Variants in CLK2 observed in about 807,000 individuals in gnomAD.
CLK2 encodes CDC like kinase 2, also known as dual specificity protein kinase CLK2.
In CLK2, 12 loss-of-function variants were observed where a neutral mutation model predicts 73.5. The observed-to-expected ratio is 0.16, with a 90% confidence interval of 0.10 to 0.26. The LOEUF (loss-of-function observed/expected upper bound fraction) is 0.26, where lower values mean the gene tolerates loss of function less well. Among genes scored for constraint, CLK2 ranks in the 10% least tolerant of loss-of-function variants. CLK2 has a pLI of 1.00. For missense variants in CLK2, 509 were observed against 688.4 expected (o/e 0.74, Z 2.92); for synonymous variants, 232 against 237.9 (o/e 0.98, Z 0.23).
At chr1:155,267,866 G>A in intron 6 of CLK2, 144 bp downstream of exon 6, 4 of 674,062 alleles carry the variant, frequency 5.9e-6, no homozygotes, top group Non-Finnish European at 5.3e-6. Context: ...CTACCCTGAT[G>A]TTCTACTACT....
chr1:155,266,981 G>T, intron 6 of CLK2, 86 bp from the exon 7 acceptor site: 1 of 1,446,794 alleles, frequency 6.9e-7, no homozygotes, highest in Non-Finnish European at 9.4e-7. Context: ...CTTCATAGCT[G>T]TTGATTCCAC....
chr1:155,263,069 T>C lies in CLK2; in HGVS notation c.*149A>G. The C allele has an allele frequency of 4.1e-6, 3 of 733,524 alleles. No individual in the cohort carries two copies. The highest frequency in any genetic ancestry group is 4.3e-6 in the Non-Finnish European group (2 of 461,304). The allele number at this position is 733,524 out of a possible 1,614,324, so 45.4% of individuals were successfully genotyped here. On this transcript the variant is annotated 3_prime_UTR_variant, in exon 13 of 13. Coordinates refer to ENST00000368361, the MANE Select transcript of CLK2 (RefSeq NM_001294338.2). ...GAAGTGATAGGTACAAGTTCTTTCA[T>C]ATTTACACTATTTCACATATTCACA...
chr1:155,267,978 C>G, intron 6 of CLK2, 32 bp downstream of exon 6: 1 of 1,530,458 alleles, frequency 6.5e-7, no homozygotes, highest in Non-Finnish European at 9.1e-7. Flanking sequence ...TTGGGGCTCT[C>G]AGCCTCCCTA....
rs1673600816 is a variant in CLK2 at position 155,273,317 on chromosome 1, CGGGACCCT to C, written c.-125_-118del. ...GAAATGCTGCTCCACCCCCCCAACC[CGGGACCCT>C]GGGACCTCCCGCCCCGTTCCCGGGC... On this transcript the variant is annotated 5_prime_UTR_variant, in exon 1 of 13. Coordinates refer to ENST00000368361, the MANE Select transcript of CLK2 (RefSeq NM_001294338.2). The C allele has an allele frequency of 6.6e-6, 1 of 152,302 alleles. No individual in the cohort carries two copies. Among genetic ancestry groups the C allele is most frequent in the African/African-American group, 2.4e-5 (1 of 41,418 alleles). 9.4% of individuals were successfully genotyped at this position (152,302 alleles called of 1,614,324 possible).
intron 12 of CLK2, 109 bp downstream of exon 12, chr1:155,263,841 C>T: frequency 7.3e-7 from 1 of 1,369,380 alleles, no homozygotes; most frequent in South Asian, 1.3e-5. Flanking sequence ...AGCTTTCCTC[C>T]CCTCCTTTCC....
rs1473720280 is a variant in CLK2, at chr1:155,264,811, C to A, written c.934-37G>T. 6.2e-6 allele frequency: 10 copies of A among 1,608,610 alleles called. No homozygotes were observed. In the African/African-American group the frequency reaches 1.1e-4, roughly 17 times the overall value. On this transcript the variant is annotated intron_variant, in intron 8 of 12. Transcript: ENST00000368361. The stretch of plus-strand genomic sequence containing the variant: ...GGAGAAAGAGGATGAACCTCTGCAC[C>A]CAGACTGAGATTCCACCAGTATTCT...
intron 2 of CLK2, 70 bp from the exon 3 acceptor site, chr1:155,269,786 G>T (rs1342248907): frequency 1.4e-6 from 2 of 1,415,934 alleles, no homozygotes; most frequent in Admixed American, 3.4e-5. Context: ...CTGTGACAAG[G>T]TCCTGCCTTA....
At position 155,263,104 on chromosome 1, in the gene CLK2, A is replaced by C; in HGVS notation, c.*114T>G. ...ATTTCACATATTCACAGGTATATAG[A>C]GAGCCAGGAGGAAGGAGTGAACTCT... On this transcript the variant is annotated 3_prime_UTR_variant, in exon 13 of 13. Coordinates refer to ENST00000368361, the MANE Select transcript of CLK2 (RefSeq NM_001294338.2). 1.0e-6 allele frequency: 1 copy of C among 981,308 alleles called. No homozygotes were observed. The allele number at this position is 981,308 out of a possible 1,614,324, so 60.8% of individuals were successfully genotyped here.
At chr1:155,263,489 A>C in intron 12 of CLK2, 89 bp from the exon 13 acceptor site, 1 of 1,526,848 alleles carries the variant, frequency 6.5e-7, no homozygotes, top group Non-Finnish European at 8.8e-7. Context: ...TTGGAGAACC[A>C]AGGCTCTGCT....
At chr1:155,267,846 C>T (rs554284754) in intron 6 of CLK2, among the ~76,000 whole-genome samples, 164 bp downstream of exon 6, 1 of 152,232 alleles carries the variant, frequency 6.6e-6, no homozygotes, top group South Asian at 2.1e-4. Flanking sequence ...TCATGGGCCC[C>T]CCCCCTTTCC....
At chr1:155,265,220 C>T (rs1673170718) in intron 8 of CLK2, among the ~76,000 whole-genome samples, 1 of 152,126 alleles carries the variant, frequency 6.6e-6, no homozygotes. Flanking sequence ...TCCATTATCT[C>T]CAGTTAGTCA....
In CLK2 at chr1:155,264,161, AT is replaced by A. The variant is rs1396021238; in HGVS notation, c.1226+59del. 48 of 1,595,614 alleles carry A rather than the reference AT, an allele frequency of 3.0e-5. 2 individuals carry two copies. The highest frequency in any genetic ancestry group is 1.8e-4 in the South Asian group (16 of 90,688). ...CAAAGAAAAAAGAAAATGATGTGAAATAGACCAATTCTGTGGAGAGAAAAGG... is the reference window on the plus strand; with the variant it reads ...CAAAGAAAAAAGAAAATGATGTGAAAAGACCAATTCTGTGGAGAGAAAAGG... On this transcript the variant is annotated intron_variant, in intron 11 of 12. Transcript: ENST00000368361.
In CLK2 at chr1:155,268,411, A is replaced by G. The variant is rs780487845; in HGVS notation, c.488-52T>C. The G allele has an allele frequency of 5.3e-6, 8 of 1,510,796 alleles. No homozygotes were observed. In the East Asian group the frequency reaches 1.6e-4, roughly 30 times the overall value. The allele number at this position is 1,510,796 out of a possible 1,614,324, so 93.6% of individuals were successfully genotyped here. On this transcript the variant is annotated intron_variant, in intron 4 of 12. Transcript: ENST00000368361. This position sits in a 1 kb window ranked among gnomAD's most constrained non-coding sequence, Gnocchi z 5.6. ...GAGAGGGAGGGAGAGAAGGTGGGGAATGAGCTGAGTTGGAAGAAAAAAGGG... is the reference window on the plus strand; with the variant it reads ...GAGAGGGAGGGAGAGAAGGTGGGGAGTGAGCTGAGTTGGAAGAAAAAAGGG...
Position 155,264,501 on chromosome 1 carries a change from G to A in CLK2, c.1113C>T (p.Ile371=). ...GGGTGAATCCCACATAGTATTCAAA[G>A]ATGATGCAGCCTATACTCCACACAT... ...PCDVWSIGCI[I]FEYYVGFTLF... is the part of the protein sequence containing the mutation. The change falls in exon 10 of 13, where the codon ATC becomes ATT. Residue 371 remains isoleucine, a synonymous_variant. Coordinates refer to ENST00000368361, the MANE Select transcript of CLK2 (RefSeq NM_001294338.2). 1 of 1,614,220 alleles carries A rather than the reference G, an allele frequency of 6.2e-7. No individual in the cohort carries two copies. The highest frequency in any genetic ancestry group is 1.3e-5 in the African/African-American group (1 of 75,058).
intron 3 of CLK2, 46 bp downstream of exon 3, chr1:155,269,442 G>A (rs1328505616): frequency 6.6e-7 from 1 of 1,524,950 alleles, no homozygotes; most frequent in African/African-American, 1.4e-5. Flanking sequence ...AGTCCTAGAG[G>A]GCCTGCAGAA....
At position 155,270,910 on chromosome 1, in the gene CLK2, C is replaced by G; in HGVS notation, c.68G>C (p.Arg23Pro). 1 of 1,614,138 alleles carries G rather than the reference C, an allele frequency of 6.2e-7. No homozygotes were observed. Among genetic ancestry groups the G allele is most frequent in the Non-Finnish European group, 8.5e-7 (1 of 1,180,018 alleles). The change falls in exon 2 of 13, where the codon CGG becomes CCG. Residue 23 changes from arginine (R) to proline (P), a missense_variant. Around this residue, in one of 6 missense-constraint regions of CLK2, gnomAD observed 222 missense variants for 221.7 expected, o/e 1.00. Transcript: ENST00000368361. ...GSRGSYREHY[R>P]SRKHKRRRSR... ...TCTTCGTCGCTTATGCTTTCGGCTC[C>G]GATAGTGTTCACGGTAACTCCCCCG...
At chr1:155,264,147 G>T in intron 11 of CLK2, 74 bp downstream of exon 11, 1 of 1,585,428 alleles carries the variant, frequency 6.3e-7, no homozygotes, top group South Asian at 1.1e-5. Flanking sequence ...AAAGAAAAAA[G>T]AAAATGATGT....
chr1:155,263,306 C>T lies in CLK2; in HGVS notation c.1412G>A (p.Gly471Asp). The change falls in exon 13 of 13, where the codon GGT (glycine) becomes GAT (aspartate). Residue 471 changes from glycine to aspartate, a missense_variant. This residue lies in a region of CLK2 where 134 missense variants were observed against 146.0 expected (regional missense o/e 0.92). Transcript: ENST00000368361. The stretch of plus-strand genomic sequence containing the variant: ...GAAGAAAGGATGCTGAAGGGCTTCA[C>T]CCAAGGTCAGCCGCTTAGCTGGTTC... Reference protein sequence around the residue: ...EYEPAKRLTLGEALQHPFFAR... With the variant: ...EYEPAKRLTLDEALQHPFFAR... 2.5e-6 allele frequency: 4 copies of T among 1,614,198 alleles called. No individual in the cohort carries two copies. The highest frequency in any genetic ancestry group is 3.4e-6 in the Non-Finnish European group (4 of 1,180,042).
In CLK2 at chr1:155,268,757, G is replaced by A; in HGVS notation, c.438C>T (p.Asp146=). 1.2e-6 allele frequency: 2 copies of A among 1,613,200 alleles called. No individual in the cohort carries two copies. Among genetic ancestry groups the A allele is most frequent in the Non-Finnish European group, 1.7e-6 (2 of 1,179,832 alleles). Residue 146 remains aspartate (D), a synonymous_variant, in exon 4 of 13, where the codon GAC becomes GAT. Transcript: ENST00000368361. The surrounding 1 kb of genome is among the most constrained non-coding windows in gnomAD (Gnocchi z 5.6). ...CGTGGTAGATGAGGTGGCCCTCAGC[G>A]TCGTCCTCTACACTCTTGGCTCTCC... is the stretch of plus-strand genomic sequence containing the variant. ...SSRRAKSVED[D]AEGHLIYHVG... is the part of the protein sequence containing the mutation.
Sources: gnomAD v4.1 joint callset for allele counts (sites outside exome capture counted in the v4.1 genomes callset) on GRCh38, gnomAD v4.1.1 for gene constraint, gnomAD v4.1.1 regional missense constraint, Gnocchi (gnomAD v3.1) non-coding constraint, MANE v1.5 for transcripts, NCBI Gene and HGNC (gene_info 2026-07-23, HGNC 2026-07-21) for gene names.